SCGB2B2: variants seen among roughly 807,000 people sequenced by gnomAD.
SCGB2B2 encodes the protein secretoglobin family 2B member 2.
A neutral mutation model predicts 7.6 loss-of-function variants in SCGB2B2; 11 were observed. That is an observed-to-expected ratio of 1.45 (90% CI 0.91 to 2.40). The LOEUF (loss-of-function observed/expected upper bound fraction) is 2.40. SCGB2B2 is among the 30% of genes most tolerant of loss of function. The pLI, the probability that SCGB2B2 is intolerant of heterozygous loss-of-function variation, is 0.00. For synonymous variants in SCGB2B2, 50 were observed against 48.6 expected, an observed-to-expected ratio of 1.03 and a Z score of -0.12; for missense variants, 104 against 115.4, an observed-to-expected ratio of 0.90 and a Z score of 0.45.
At chr19:34,594,398 C>A in intron 2 of SCGB2B2, 39 bp from the exon 3 acceptor site, 1 of 1,606,484 alleles carries the variant, frequency 6.2e-7, no homozygotes, top group South Asian at 1.1e-5. Flanking sequence ...CAGAGGAGGT[C>A]AGAATTCAGC....
At chr19:34,629,982 T>C (rs560869196) in intron 1 of SCGB2B2, among the ~76,000 whole-genome samples, 1 of 152,088 alleles carries the variant, frequency 6.6e-6, no homozygotes, top group Non-Finnish European at 1.5e-5. Context: ...ATCTGATCTT[T>C]GACAAACCTG....
Position 34,594,357 on chromosome 19 carries a change from C to T in SCGB2B2, c.64G>A (p.Asp22Asn), listed in dbSNP as rs150462814. ...LALICSVQLG[D>N]ACLDIDKLLA... The stretch of plus-strand genomic sequence containing the variant: ...AGTTTATCGATATCCAGGCAGGCAT[C>T]CCCTGTGGAGGATGAGGTGAGATAA... Residue 22 changes from aspartate to asparagine, a missense_variant and splice_region_variant, in exon 3 of 4, where the codon GAT becomes AAT. Coordinates refer to ENST00000601241, the MANE Select transcript of SCGB2B2 (RefSeq NM_001025591.4). 2.1e-4 allele frequency: 335 copies of T among 1,613,650 alleles called. No individual in the cohort carries two copies. The African/African-American group carries it at 4.1e-3, about 20-fold the overall frequency.
chr19:34,669,355 C>T (rs976424292), intron 1 of SCGB2B2, among the ~76,000 whole-genome samples: 3 of 152,184 alleles, frequency 2.0e-5, no homozygotes, highest in Non-Finnish European at 2.9e-5. Context: ...CTAATTTTCA[C>T]GAAAGCTGCA....
In SCGB2B2 at chr19:34,634,221, A is replaced by G. The variant is rs185727212; in HGVS notation, c.-2031-37627T>C. On this transcript the variant is annotated intron_variant, in intron 1 of 3. Transcript: ENST00000601241. ...CCTCTATTTTGTTGCCCTGAGCTCTATGAATCACATGCAGTATGTGAATGT... is the reference window on the plus strand; with the variant it reads ...CCTCTATTTTGTTGCCCTGAGCTCTGTGAATCACATGCAGTATGTGAATGT... 2.0e-5 allele frequency among the ~76,000 whole-genome samples: 3 copies of G among 152,308 alleles called. No individual in the cohort carries two copies. In the East Asian group the frequency reaches 5.8e-4, roughly 29 times the overall value.
intron 1 of SCGB2B2, among the ~76,000 whole-genome samples, chr19:34,651,833 C>A (rs558521529): frequency 2.0e-4 from 30 of 151,174 alleles, no homozygotes; most frequent in Non-Finnish European, 4.0e-4. Context: ...CAATCCTGAG[C>A]AAACAAAACA....
intron 1 of SCGB2B2, among the ~76,000 whole-genome samples, chr19:34,669,381 A>G (rs2067736092): frequency 6.6e-6 from 1 of 152,234 alleles, no homozygotes; most frequent in South Asian, 2.1e-4. Flanking sequence ...TCTGCTACCC[A>G]TTCAGACAAA....
intron 1 of SCGB2B2, among the ~76,000 whole-genome samples, chr19:34,621,528 T>C (rs1261817549): frequency 2.7e-5 from 4 of 147,984 alleles, no homozygotes; most frequent in South Asian, 2.2e-4. Context: ...CAAGACAAAG[T>C]GGAGAAAAGT....
At chr19:34,646,852 G>C (rs2067028186) in intron 1 of SCGB2B2, 2 of 152,408 alleles carry the variant, frequency 1.3e-5, no homozygotes, top group African/African-American at 4.8e-5. Flanking sequence ...CACATATGCA[G>C]TGTGTGACCA....
intron 1 of SCGB2B2, among the ~76,000 whole-genome samples, chr19:34,661,346 A>C (rs1363724622): frequency 1.3e-5 from 2 of 152,230 alleles, no homozygotes; most frequent in South Asian, 2.1e-4. Flanking sequence ...TTGTGATAAA[A>C]TAAGGGAGAC....
At chr19:34,666,386 C>T (rs1444078741) in intron 1 of SCGB2B2, among the ~76,000 whole-genome samples, 1 of 152,188 alleles carries the variant, frequency 6.6e-6, no homozygotes, top group Admixed American at 6.5e-5. Flanking sequence ...ACACACAATC[C>T]CATTCTCACA....
chr19:34,618,374 A>T (rs2066148199), intron 1 of SCGB2B2, among the ~76,000 whole-genome samples: 1 of 152,148 alleles, frequency 6.6e-6, no homozygotes, highest in African/African-American at 2.4e-5. Flanking sequence ...TATAAGAAAA[A>T]CCTGTTACTC....
intron 1 of SCGB2B2, among the ~76,000 whole-genome samples, chr19:34,602,533 G>A (rs754427309): frequency 6.6e-6 from 1 of 151,964 alleles, no homozygotes; most frequent in Non-Finnish European, 1.5e-5. Flanking sequence ...TGCATCATTC[G>A]GCTACGTTGC....
chr19:34,621,939 G>GT (rs904269948), intron 1 of SCGB2B2, among the ~76,000 whole-genome samples: 58 of 152,250 alleles, frequency 3.8e-4, no homozygotes, highest in Middle Eastern at 6.8e-3. Context: ...GCAAGGACAG[G>GT]TTTTTTTAAC....
intron 1 of SCGB2B2, among the ~76,000 whole-genome samples, chr19:34,615,948 T>C (rs2145868045): frequency 6.6e-6 from 1 of 151,672 alleles, no homozygotes; most frequent in Middle Eastern, 3.4e-3. Context: ...GTTTGGTTTT[T>C]TGTTCTTGCA....
rs1278422553 is a variant in SCGB2B2, at chr19:34,594,965, C to T, written c.-402G>A. 2 of 233,982 alleles carry T rather than the reference C, an allele frequency of 8.5e-6. No individual in the cohort carries two copies. Among genetic ancestry groups the T allele is most frequent in the Non-Finnish European group, 1.7e-5 (2 of 117,160 alleles). 14.5% of individuals were successfully genotyped at this position (233,982 alleles called of 1,614,324 possible). ...TGGCACGCCCTAGCACAGAATCTGC[C>T]ACTGAGTGCTGGCTCAACAAACATT... On this transcript the variant is annotated 5_prime_UTR_variant, in exon 2 of 4. Coordinates refer to ENST00000601241, the MANE Select transcript of SCGB2B2 (RefSeq NM_001025591.4).
At chr19:34,611,865 G>A (rs940230733) in intron 1 of SCGB2B2, among the ~76,000 whole-genome samples, 1 of 151,686 alleles carries the variant, frequency 6.6e-6, no homozygotes, top group Non-Finnish European at 1.5e-5. Context: ...TATTGGGCTA[G>A]GCTGGTCTTG....
intron 1 of SCGB2B2, among the ~76,000 whole-genome samples, chr19:34,658,905 C>G (rs2067368697): frequency 6.6e-6 from 1 of 151,350 alleles, no homozygotes; most frequent in Admixed American, 6.6e-5. Context: ...TACTGGCAAA[C>G]CGAATCCAGC....
intron 1 of SCGB2B2, among the ~76,000 whole-genome samples, chr19:34,597,340 A>C (rs1443615044): frequency 6.6e-6 from 1 of 151,056 alleles, no homozygotes; most frequent in Non-Finnish European, 1.5e-5. Context: ...TGCACTTTCT[A>C]TGCCAGGGCC....
rs1371493912 is a variant in SCGB2B2 at position 34,591,240 on chromosome 19, C to T, written c.*2315G>A. Among the ~76,000 whole-genome samples, 1 of 152,232 alleles carries T rather than the reference C, an allele frequency of 6.6e-6. No homozygotes were observed. Among genetic ancestry groups the T allele is most frequent in the East Asian group, 1.9e-4 (1 of 5,198 alleles). ...TCTGGATCTTTGCCCTAAACCTGCT[C>T]CTCCCCAGGCTTCACCTTCTCAGCA... is the stretch of plus-strand genomic sequence containing the variant. On this transcript the variant is annotated 3_prime_UTR_variant, in exon 4 of 4. Coordinates refer to ENST00000601241, the MANE Select transcript of SCGB2B2 (RefSeq NM_001025591.4).
Sources: gnomAD v4.1 joint callset for allele counts (sites outside exome capture counted in the v4.1 genomes callset) on GRCh38, gnomAD v4.1.1 for gene constraint, MANE v1.5 for transcripts, NCBI Gene and HGNC (gene_info 2026-07-23, HGNC 2026-07-21) for gene names.